FTCDNL1: variants seen among roughly 807,000 people sequenced by gnomAD.
FTCDNL1 encodes formiminotransferase cyclodeaminase N-terminal like.
In FTCDNL1, 11 loss-of-function variants were observed where a neutral mutation model predicts 5.9. The observed-to-expected ratio is 1.87, with a 90% confidence interval of 1.18 to 3.10. The LOEUF is 3.10. Among genes scored for constraint, FTCDNL1 ranks in the 30% most tolerant of loss-of-function variants. FTCDNL1 has a pLI of 0.00. For synonymous variants in FTCDNL1, 58 were observed against 24.8 expected, an observed-to-expected ratio of 2.34 and a Z score of -3.99; for missense variants, 115 against 65.5, an observed-to-expected ratio of 1.76 and a Z score of -2.61.
At chr2:199,778,169 A>G (rs1004565540) in intron 3 of FTCDNL1, among the ~76,000 whole-genome samples, 2 of 152,160 alleles carry the variant, frequency 1.3e-5, no homozygotes, top group Non-Finnish European at 2.9e-5. Flanking sequence ...GGAGATCACA[A>G]CCAGCAAGCA....
chr2:199,703,894 T>C, the FTCDNL1 span, among the ~76,000 whole-genome samples: 1 of 152,198 alleles, frequency 6.6e-6, no homozygotes. Context: ...AATGATAGAA[T>C]TACCCTCCCC....
At chr2:199,671,167 CA>C in the FTCDNL1 span, among the ~76,000 whole-genome samples, 99,847 of 136,134 alleles carry the variant, frequency 0.73, 36,784 homozygotes, top group East Asian at 0.98. Flanking sequence ...AAATCCATGG[CA>C]AAAAAAAAAA....
At chr2:199,677,311 C>A in the FTCDNL1 span, among the ~76,000 whole-genome samples, 1 of 152,178 alleles carries the variant, frequency 6.6e-6, no homozygotes, top group Non-Finnish European at 1.5e-5. Context: ...CAGCTACTTG[C>A]TGATATCAAT....
the FTCDNL1 span, among the ~76,000 whole-genome samples, chr2:199,689,810 TAA>T: frequency 1.8e-3 from 213 of 116,942 alleles, no homozygotes; most frequent in African/African-American, 6.8e-3. Context: ...AAACTCCGTC[TAA>T]AAAAAAAAAA....
intron 3 of FTCDNL1, among the ~76,000 whole-genome samples, chr2:199,782,049 C>T (rs191975376): frequency 2.6e-5 from 4 of 152,292 alleles, no homozygotes; most frequent in Admixed American, 2.6e-4. Context: ...TCCCAAAGTG[C>T]TGGAATTACA....
intron 3 of FTCDNL1, among the ~76,000 whole-genome samples, chr2:199,784,449 T>G (rs1291090502): frequency 1.3e-5 from 2 of 152,150 alleles, no homozygotes; most frequent in Non-Finnish European, 2.9e-5. Flanking sequence ...GGGATTCAGC[T>G]CTAAAATCCC....
chr2:199,749,252 G>C, the FTCDNL1 span, among the ~76,000 whole-genome samples: 4 of 152,300 alleles, frequency 2.6e-5, no homozygotes, highest in Middle Eastern at 3.4e-3. Flanking sequence ...AGTTCCTGAG[G>C]GGGTAGACAG....
chr2:199,746,961 G>C, the FTCDNL1 span, among the ~76,000 whole-genome samples: 7 of 151,502 alleles, frequency 4.6e-5, no homozygotes, highest in African/African-American at 9.7e-5. Flanking sequence ...TGAGGTTCTC[G>C]TGAATTTTGT....
intron 3 of FTCDNL1, among the ~76,000 whole-genome samples, chr2:199,839,162 A>T (rs1574675298): frequency 7.3e-6 from 1 of 137,478 alleles, no homozygotes. Context: ...GAAAGCCTTT[A>T]AAAAAAAAAA....
At chr2:199,805,830 G>A (rs1700697181), downstream of FTCDNL1, among the ~76,000 whole-genome samples, 1 of 151,500 alleles carries the variant, frequency 6.6e-6, no homozygotes, top group South Asian at 2.1e-4. Flanking sequence ...GAGGTGGGAG[G>A]ATCACTTCAG....
Position 199,767,212 on chromosome 2 carries a change from C to T in FTCDNL1, c.212-6377G>A, listed in dbSNP as rs554498598. On this transcript the variant is annotated intron_variant, in intron 3 of 3. Transcript: ENST00000416668. Reference sequence around the variant, plus strand: ...TTGAAAAAACAGATTCTTTTCCATACCAGGTACCATGTTTCTCTGAGTATT... The same window carrying T: ...TTGAAAAAACAGATTCTTTTCCATATCAGGTACCATGTTTCTCTGAGTATT... 3.9e-5 allele frequency among the ~76,000 whole-genome samples: 6 copies of T among 152,112 alleles called. No individual in the cohort carries two copies. The South Asian group carries it at 1.2e-3, about 32-fold the overall frequency.
chr2:199,751,664 A>C, the FTCDNL1 span, among the ~76,000 whole-genome samples: 56 of 151,896 alleles, frequency 3.7e-4, no homozygotes, highest in African/African-American at 1.3e-3. Context: ...GCCCGACTGC[A>C]TGCTAACATC....
At chr2:199,729,122 A>G in the FTCDNL1 span, among the ~76,000 whole-genome samples, 1 of 152,270 alleles carries the variant, frequency 6.6e-6, no homozygotes, top group African/African-American at 2.4e-5. Context: ...GGAATACATG[A>G]CATTTGGAAA....
chr2:199,837,769 T>G (rs1702855276), intron 3 of FTCDNL1, among the ~76,000 whole-genome samples: 1 of 152,222 alleles, frequency 6.6e-6, no homozygotes, highest in African/African-American at 2.4e-5. Context: ...ATGCCAGCAC[T>G]ATTTCTTTAT....
At chr2:199,816,975 A>G (rs556148656) in intron 4 of FTCDNL1, among the ~76,000 whole-genome samples, 1 of 152,372 alleles carries the variant, frequency 6.6e-6, no homozygotes, top group Admixed American at 6.5e-5. Context: ...TGCTTAGCAC[A>G]TAGTAGGTAC....
chr2:199,698,407 T>C, the FTCDNL1 span, among the ~76,000 whole-genome samples: 1 of 152,110 alleles, frequency 6.6e-6, no homozygotes, highest in African/African-American at 2.4e-5. Context: ...TCGAAAATTT[T>C]TTAAAAATGA....
At chr2:199,849,053 G>A in intron 1 of FTCDNL1, 84 bp from the exon 2 acceptor site, 2 of 645,264 alleles carry the variant, frequency 3.1e-6, no homozygotes, top group Non-Finnish European at 5.5e-6. Flanking sequence ...ATAACTTTTT[G>A]GAAACGAAGC....
chr2:199,751,891 T>A, the FTCDNL1 span, among the ~76,000 whole-genome samples: 1 of 152,148 alleles, frequency 6.6e-6, no homozygotes, highest in Non-Finnish European at 1.5e-5. Flanking sequence ...GATTTTTTTT[T>A]TATGTTTATT....
chr2:199,786,582 G>T (rs1474704460), intron 3 of FTCDNL1, among the ~76,000 whole-genome samples: 1 of 152,098 alleles, frequency 6.6e-6, no homozygotes, highest in Non-Finnish European at 1.5e-5. Context: ...ACAAGACTGA[G>T]TCCACTGTTA....
Sources: gnomAD v4.1 joint callset for allele counts (sites outside exome capture counted in the v4.1 genomes callset) on GRCh38, gnomAD v4.1.1 for gene constraint, MANE v1.5 for transcripts, NCBI Gene and HGNC (gene_info 2026-07-23, HGNC 2026-07-21) for gene names.